POFUT1: variants seen among roughly 807,000 people sequenced by gnomAD.
The protein encoded by POFUT1 is protein O-fucosyltransferase 1, also known as GDP-fucose protein O-fucosyltransferase 1.
POFUT1 carries 16 observed loss-of-function variants against 42.4 expected under a neutral mutation model. The observed-to-expected ratio is 0.38, with a 90% CI of 0.26 to 0.57. POFUT1 has a LOEUF of 0.57. POFUT1 is among the 20% of genes least tolerant of loss of function. POFUT1 has a pLI of 0.71. For missense variants in POFUT1, 470 were observed against 504.6 expected (o/e 0.93, Z 0.66); for synonymous variants, 206 against 205.4 (o/e 1.00, Z -0.03).
chr20:32,221,936 T>G (rs1241567967), intron 4 of POFUT1, among the ~76,000 whole-genome samples: 6 of 152,004 alleles, frequency 3.9e-5, no homozygotes, highest in African/African-American at 1.5e-4. Context: ...TTGATAGGGT[T>G]TATTGTTTTC....
chr20:32,208,457 C>G (rs567761183), intron 1 of POFUT1, among the ~76,000 whole-genome samples: 1 of 151,950 alleles, frequency 6.6e-6, no homozygotes, highest in South Asian at 2.1e-4. Flanking sequence ...CTGGGAATAC[C>G]GCAGTGAATA....
At position 32,226,452 on chromosome 20, in the gene POFUT1, CTG is replaced by C. The variant is rs33999719; in HGVS notation, c.543-1785_543-1784del. Among the ~76,000 whole-genome samples the C allele has an allele frequency of 4.7e-3, 691 of 147,112 alleles. 1 individual carries two copies. Among genetic ancestry groups the C allele is most frequent in the East Asian group, 8.3e-3 (42 of 5,036 alleles). Reference sequence around the variant, plus strand: ...TACTTCTGAGTGTGTGAGTGCATGCCTGTGTGTGTGTGTGTGTGTGTGTGTGT... The same window carrying C: ...TACTTCTGAGTGTGTGAGTGCATGCCTGTGTGTGTGTGTGTGTGTGTGTGT... On this transcript the variant is annotated intron_variant, in intron 4 of 6. Transcript: ENST00000375749.
chr20:32,210,575 G>A (rs1421953710), intron 2 of POFUT1, among the ~76,000 whole-genome samples: 1 of 152,162 alleles, frequency 6.6e-6, no homozygotes, highest in Non-Finnish European at 1.5e-5. Flanking sequence ...CCTACCCTCT[G>A]TGCATTCCAT....
chr20:32,211,531 A>T (rs1187146746), intron 2 of POFUT1, among the ~76,000 whole-genome samples: 1 of 152,086 alleles, frequency 6.6e-6, no homozygotes, highest in Non-Finnish European at 1.5e-5. Flanking sequence ...TGGCCTCCCA[A>T]AGTGCTGGGA....
chr20:32,210,189 C>G lies in POFUT1; in HGVS notation c.243C>G (p.Thr81=), dbSNP rs1177140979. The change falls in exon 2 of 7, where the codon ACC becomes ACG. Residue 81 remains threonine (T), a synonymous_variant. Coordinates refer to ENST00000375749, the MANE Select transcript of POFUT1 (RefSeq NM_015352.2). ...ACCAGCATCACAAGCCTCCTTTCACCAACGTGAGTACTTCCCACTGACCTT... is the reference window on the plus strand; with the variant it reads ...ACCAGCATCACAAGCCTCCTTTCACGAACGTGAGTACTTCCCACTGACCTT... ...IEYQHHKPPF[T]NLHVSYQKYF... 2.5e-6 allele frequency: 4 copies of G among 1,613,996 alleles called. No individual in the cohort carries two copies. The South Asian group carries it at 3.3e-5, about 13-fold the overall frequency.
chr20:32,222,516 C>T (rs1044193289), intron 4 of POFUT1: 28 of 757,730 alleles, frequency 3.7e-5, no homozygotes, highest in African/African-American at 2.1e-4. Flanking sequence ...TTGGCTAGTA[C>T]GAGGGCACAT....
Position 32,238,171 on chromosome 20 carries a change from T to C in POFUT1, c.*3510T>C, listed in dbSNP as rs2047482722. On this transcript the variant is annotated 3_prime_UTR_variant, in exon 7 of 7. Coordinates refer to ENST00000375749, the MANE Select transcript of POFUT1 (RefSeq NM_015352.2). The stretch of plus-strand genomic sequence containing the variant: ...ACTTTGCGAGGCCGAGGTGGGCAGA[T>C]CACTTGAGGTGAGGAGTTCAAGACC... 4.4e-6 allele frequency: 1 copy of C among 227,786 alleles called. No individual in the cohort carries two copies. Among genetic ancestry groups the C allele is most frequent in the Non-Finnish European group, 9.1e-6 (1 of 110,018 alleles). 14.1% of individuals were successfully genotyped at this position (227,786 alleles called of 1,614,324 possible). A position where few individuals can be genotyped will look rare whatever the true frequency, so the allele number is the denominator to read the frequency against.
rs184890403 is a variant in POFUT1 at position 32,220,465 on chromosome 20, C to T, written c.542+3744C>T. 2.0e-3 allele frequency among the ~76,000 whole-genome samples: 310 copies of T among 152,202 alleles called. 1 individual carries two copies. The highest frequency in any genetic ancestry group is 3.4e-3 in the Middle Eastern group (1 of 294). ...TTATCTAAAGGCTTGACCAAGGCTG[C>T]GTGCAATGGCTTACACCTGTAATCC... On this transcript the variant is annotated intron_variant, in intron 4 of 6. Coordinates refer to ENST00000375749, the MANE Select transcript of POFUT1 (RefSeq NM_015352.2).
chr20:32,234,095 A>AT (rs1266609820), intron 6 of POFUT1, among the ~76,000 whole-genome samples: 1 of 152,152 alleles, frequency 6.6e-6, no homozygotes, highest in Non-Finnish European at 1.5e-5. Context: ...GAGGTGGGAG[A>AT]TTGCTTGAGC....
intron 6 of POFUT1, among the ~76,000 whole-genome samples, chr20:32,232,946 T>C (rs6058571): frequency 0.058 from 8,841 of 152,130 alleles, 916 homozygotes; most frequent in African/African-American, 0.2. Context: ...GTGGTCCCGC[T>C]CTCCAGGGCT....
intron 2 of POFUT1, among the ~76,000 whole-genome samples, chr20:32,213,772 A>G (rs886903885): frequency 9.2e-5 from 14 of 152,048 alleles, no homozygotes; most frequent in Non-Finnish European, 1.9e-4. Flanking sequence ...CTCCATCTCA[A>G]AAAAAAAGAA....
At position 32,233,958 on chromosome 20, in the gene POFUT1, G is replaced by A. The variant is rs924964958; in HGVS notation, c.979-515G>A. Among the ~76,000 whole-genome samples the A allele has an allele frequency of 5.3e-5, 8 of 152,118 alleles. No individual in the cohort carries two copies. The East Asian group carries it at 1.5e-3, about 29-fold the overall frequency. On this transcript the variant is annotated intron_variant, in intron 6 of 6. Transcript: ENST00000375749. ...AGCTATTTGGGAGGCTGAGGCAGGAGGATCACTTGAATCTCAGAGTTCAAG... is the reference window on the plus strand; with the variant it reads ...AGCTATTTGGGAGGCTGAGGCAGGAAGATCACTTGAATCTCAGAGTTCAAG...
In POFUT1 at chr20:32,210,169, C is replaced by T; in HGVS notation, c.223C>T (p.His75Tyr). 1.2e-6 allele frequency: 2 copies of T among 1,614,114 alleles called. No individual in the cohort carries two copies. Among genetic ancestry groups the T allele is most frequent in the African/African-American group, 2.7e-5 (2 of 75,048 alleles). ...LAVPPWIEYQHHKPPFTNLHV... is the reference protein window; with the variant it reads ...LAVPPWIEYQYHKPPFTNLHV... ...TGTCCCTCCTTGGATTGAGTACCAG[C>T]ATCACAAGCCTCCTTTCACCAACGT... The change falls in exon 2 of 7, where the codon CAT becomes TAT. Residue 75 changes from histidine (H) to tyrosine (Y), a missense_variant. Physicochemically the swap from His to Tyr is moderately conservative, Grantham distance 83. Coordinates refer to ENST00000375749, the MANE Select transcript of POFUT1 (RefSeq NM_015352.2).
Position 32,235,202 on chromosome 20 carries a change from G to A in POFUT1, c.*541G>A. 6.5e-6 allele frequency: 1 copy of A among 153,536 alleles called. No individual in the cohort carries two copies. 9.5% of individuals were successfully genotyped at this position (153,536 alleles called of 1,614,324 possible). On this transcript the variant is annotated 3_prime_UTR_variant, in exon 7 of 7. Coordinates refer to ENST00000375749, the MANE Select transcript of POFUT1 (RefSeq NM_015352.2). ...CCTCAAGAGCCATCCCCACTGCCTG[G>A]CCAGAGCCATTGTTGTCCCCTACTT...
At chr20:32,226,691 A>G (rs1331694204) in intron 4 of POFUT1, among the ~76,000 whole-genome samples, 1 of 152,176 alleles carries the variant, frequency 6.6e-6, no homozygotes, top group Non-Finnish European at 1.5e-5. Context: ...GAACCATACA[A>G]TACATAACCT....
At chr20:32,217,380 C>A in intron 4 of POFUT1, 2 of 1,089,598 alleles carry the variant, frequency 1.8e-6, no homozygotes, top group Non-Finnish European at 2.2e-6. Context: ...GCTTAGAAGG[C>A]AGACATTGGT....
At position 32,216,901 on chromosome 20, in the gene POFUT1, G is replaced by A. The variant is rs144152194; in HGVS notation, c.542+180G>A. 9.1e-4 allele frequency: 1,413 copies of A among 1,556,218 alleles called. 8 individuals carry two copies. In the African/African-American group the frequency reaches 0.014, roughly 16 times the overall value. The stretch of plus-strand genomic sequence containing the variant: ...CTGTTCCCATGTCCACGCCTGACAC[G>A]GTGGAACATTGACCCGCCATGAGAT... On this transcript the variant is annotated intron_variant, in intron 4 of 6. Transcript: ENST00000375749.
intron 4 of POFUT1, among the ~76,000 whole-genome samples, chr20:32,219,606 C>T (rs1308058689): frequency 9.9e-5 from 15 of 151,444 alleles, no homozygotes; most frequent in Admixed American, 9.2e-4. Context: ...ATGCCATTCT[C>T]CTGCCTCAGC....
rs1338169741 is a variant in POFUT1, at chr20:32,238,397, C to G, written c.*3736C>G. The G allele has an allele frequency of 6.6e-6, 1 of 151,540 alleles. No individual in the cohort carries two copies. Among genetic ancestry groups the G allele is most frequent in the South Asian group, 2.1e-4 (1 of 4,816 alleles). 9.4% of individuals were successfully genotyped at this position (151,540 alleles called of 1,614,324 possible). A position where few individuals can be genotyped will look rare whatever the true frequency, so the allele number is the denominator to read the frequency against. ...CCTGGGCAACAGAGCGAGACTCCAT[C>G]TCAAAAAAAAGGAGACTTCATGTGC... On this transcript the variant is annotated 3_prime_UTR_variant, in exon 7 of 7. Transcript: ENST00000375749.
Sources: gnomAD v4.1 joint callset for allele counts (sites outside exome capture counted in the v4.1 genomes callset) on GRCh38, gnomAD v4.1.1 for gene constraint, MANE v1.5 for transcripts, NCBI Gene and HGNC (gene_info 2026-07-23, HGNC 2026-07-21) for gene names.